Variants in GABRG3 observed in about 807,000 individuals in gnomAD.
GABRG3 encodes the protein gamma-aminobutyric acid type A receptor subunit gamma3.
A neutral mutation model predicts 48.8 loss-of-function variants in GABRG3; 25 were observed. The ratio of observed to expected loss-of-function variants is 0.51; its 90% CI spans 0.37 to 0.72. The LOEUF is 0.72. Ranked by LOEUF, GABRG3 falls within the 30% of genes least tolerant of loss-of-function variation. The pLI is 0.00. For missense variants in GABRG3, 394 were observed against 577.9 expected (o/e 0.68, Z 3.26); for synonymous variants, 227 against 217.6 (o/e 1.04, Z -0.38).
intron 3 of GABRG3, among the ~76,000 whole-genome samples, chr15:27,230,538 G>A (rs1889764730): frequency 6.6e-6 from 1 of 151,984 alleles, no homozygotes; most frequent in South Asian, 2.1e-4. Context: ...AGAAATATGT[G>A]TTCTATATGC....
chr15:27,323,923 T>G (rs1893517524), intron 3 of GABRG3, among the ~76,000 whole-genome samples: 1 of 152,174 alleles, frequency 6.6e-6, no homozygotes, highest in Non-Finnish European at 1.5e-5. Flanking sequence ...AGGTCCCACA[T>G]GGGCTCTTCC....
intron 3 of GABRG3, among the ~76,000 whole-genome samples, chr15:27,176,958 C>T (rs983330494): frequency 2.0e-5 from 3 of 152,154 alleles, no homozygotes; most frequent in Admixed American, 6.5e-5. Context: ...AAAGCCAATA[C>T]ACTGAGACAG....
intron 5 of GABRG3, among the ~76,000 whole-genome samples, chr15:27,464,588 G>A (rs1000488404): frequency 5.3e-5 from 8 of 152,080 alleles, no homozygotes; most frequent in Admixed American, 3.3e-4. Context: ...CCACCAGCAC[G>A]GTATGAGGGT....
chr15:27,314,897 G>A (rs1292596513), intron 3 of GABRG3, among the ~76,000 whole-genome samples: 1 of 152,156 alleles, frequency 6.6e-6, no homozygotes, highest in Non-Finnish European at 1.5e-5. Context: ...GCCAGGGGCT[G>A]CAGGGAGGGA....
chr15:27,171,336 A>G (rs1190227386), intron 3 of GABRG3, among the ~76,000 whole-genome samples: 1 of 152,152 alleles, frequency 6.6e-6, no homozygotes, highest in African/African-American at 2.4e-5. Flanking sequence ...GTAGTAAATG[A>G]AAATTATGTT....
In GABRG3 at chr15:27,321,297, T is replaced by TCTAGCACAGTGCCCCGCA. The variant is rs1893417583; in HGVS notation, c.271-5512_271-5511insCTAGCACAGTGCCCCGCA. Among the ~76,000 whole-genome samples, 3 of 152,132 alleles carry TCTAGCACAGTGCCCCGCA rather than the reference T, an allele frequency of 2.0e-5. No homozygotes were observed. The South Asian group carries it at 6.2e-4, about 32-fold the overall frequency. On this transcript the variant is annotated intron_variant, in intron 3 of 9. Coordinates refer to ENST00000615808, the MANE Select transcript of GABRG3 (RefSeq NM_033223.5). The stretch of plus-strand genomic sequence containing the variant: ...ACAGTGCCCCGCAAAGGACTCTTAA[T>TCTAGCACAGTGCCCCGCA]AAGGGAGGTGCCTGGGCTAAGCTGG...
At chr15:27,153,735 T>C (rs542788143) in intron 3 of GABRG3, among the ~76,000 whole-genome samples, 2 of 152,306 alleles carry the variant, frequency 1.3e-5, no homozygotes, top group Admixed American at 1.3e-4. Context: ...TTTTCTCTTA[T>C]TCTTTGGTGT....
chr15:27,286,623 T>C (rs1891621615), intron 3 of GABRG3, among the ~76,000 whole-genome samples: 1 of 152,220 alleles, frequency 6.6e-6, no homozygotes, highest in South Asian at 2.1e-4. Context: ...ACAATTTGTA[T>C]TTATAGTGTT....
intron 3 of GABRG3, among the ~76,000 whole-genome samples, chr15:27,306,338 A>C (rs1892442443): frequency 7.8e-6 from 1 of 128,408 alleles, no homozygotes; most frequent in African/African-American, 2.8e-5. Flanking sequence ...ATAAACATAA[A>C]ATATAAACAT....
At chr15:27,388,510 A>C (rs1363675379) in intron 5 of GABRG3, among the ~76,000 whole-genome samples, 1 of 151,934 alleles carries the variant, frequency 6.6e-6, no homozygotes, top group East Asian at 1.9e-4. Flanking sequence ...CATTTTTAAC[A>C]AGGTTTCAGA....
chr15:27,073,120 G>T (rs1027627196), intron 3 of GABRG3, among the ~76,000 whole-genome samples: 1 of 152,206 alleles, frequency 6.6e-6, no homozygotes, highest in African/African-American at 2.4e-5. Context: ...AGGACTCCCA[G>T]CACACCCATC....
chr15:27,055,638 A>G (rs1272620073), intron 3 of GABRG3, among the ~76,000 whole-genome samples: 1 of 152,234 alleles, frequency 6.6e-6, no homozygotes, highest in Non-Finnish European at 1.5e-5. Context: ...GGTGTGTATG[A>G]AACATAAATG....
At chr15:27,090,214 G>T (rs1185902709) in intron 3 of GABRG3, among the ~76,000 whole-genome samples, 2 of 152,332 alleles carry the variant, frequency 1.3e-5, no homozygotes, top group East Asian at 3.9e-4. Flanking sequence ...TATAAAGTAT[G>T]TTTTGTGTTA....
intron 5 of GABRG3, among the ~76,000 whole-genome samples, chr15:27,378,932 A>C (rs1391000906): frequency 7.6e-6 from 1 of 132,200 alleles, no homozygotes; most frequent in Admixed American, 7.7e-5. Flanking sequence ...GAAAGAACAA[A>C]TCATGTTGTA....
intron 3 of GABRG3, among the ~76,000 whole-genome samples, chr15:27,105,484 G>A (rs966590105): frequency 6.6e-6 from 1 of 152,118 alleles, no homozygotes; most frequent in African/African-American, 2.4e-5. Context: ...AATGTTCATT[G>A]AGATATACTG....
At chr15:27,062,115 T>A (rs1205185484) in intron 3 of GABRG3, among the ~76,000 whole-genome samples, 2 of 152,070 alleles carry the variant, frequency 1.3e-5, no homozygotes, top group Non-Finnish European at 2.9e-5. Flanking sequence ...TCCTGTCCCA[T>A]GAGAGTGCCT....
At chr15:27,495,812 G>A (rs973354164) in intron 6 of GABRG3, among the ~76,000 whole-genome samples, 3 of 152,100 alleles carry the variant, frequency 2.0e-5, no homozygotes, top group Admixed American at 2.0e-4. Flanking sequence ...TCACATCTTT[G>A]TCACCCTGGT....
intron 5 of GABRG3, among the ~76,000 whole-genome samples, chr15:27,345,293 TTTAA>T (rs1894328713): frequency 6.6e-6 from 1 of 152,216 alleles, no homozygotes; most frequent in African/African-American, 2.4e-5. Flanking sequence ...CCTTTTCTGG[TTTAA>T]TTGAGCATTT....
chr15:27,265,068 A>G (rs1054340695), intron 3 of GABRG3, among the ~76,000 whole-genome samples: 7 of 152,154 alleles, frequency 4.6e-5, no homozygotes, highest in Admixed American at 2.0e-4. Flanking sequence ...CAACCTTATA[A>G]TAATTAAAAC....
Sources: allele counts gnomAD v4.1 joint callset (sites outside exome capture counted in the v4.1 genomes callset), GRCh38; gene constraint gnomAD v4.1.1; transcripts MANE v1.5; gene names NCBI Gene and HGNC (gene_info 2026-07-23, HGNC 2026-07-21).